QRICH2: variants seen among roughly 807,000 people sequenced by gnomAD.
QRICH2 encodes the protein glutamine rich 2, also known as glutamine-rich protein 2.
A neutral mutation model predicts 168.3 loss-of-function variants in QRICH2; 119 were observed. The ratio of observed to expected loss-of-function variants is 0.71; its 90% CI spans 0.61 to 0.82. The LOEUF (loss-of-function observed/expected upper bound fraction) is 0.82, where lower values mean the gene tolerates loss of function less well. Among genes scored for constraint, QRICH2 ranks in the 40% least tolerant of loss-of-function variants. The probability of loss-of-function intolerance (pLI) is 0.00; values close to 1 mark genes in which losing one functional copy is unlikely to be tolerated. For missense variants in QRICH2, 2,241 were observed against 2,491.6 expected (o/e 0.90, Z 2.14); for synonymous variants, 894 against 951.2 (o/e 0.94, Z 1.11).
chr17:76,275,195 G>C (rs141266018), intron 18 of QRICH2, among the ~76,000 whole-genome samples: 11 of 152,158 alleles, frequency 7.2e-5, no homozygotes, highest in Non-Finnish European at 8.8e-5. Flanking sequence ...TAGATTCTTG[G>C]GGGGGGCCTG....
rs903810414 is a variant in QRICH2 at position 76,281,800 on chromosome 17, A to C, written c.4263+64T>G. On this transcript the variant is annotated intron_variant, in intron 8 of 18. Coordinates refer to ENST00000680821, the MANE Select transcript of QRICH2 (RefSeq NM_001388453.1). The surrounding 1 kb of genome is among the most constrained non-coding windows in gnomAD (Gnocchi z 4.4). ...CGCCCCACTTCTGTGGGTCTGCAGC[A>C]GGGTGGCCCTCCTCTGTGGGGCCAT... is the stretch of plus-strand genomic sequence containing the variant. The C allele has an allele frequency of 1.9e-6, 3 of 1,579,710 alleles. No individual in the cohort carries two copies. The highest frequency in any genetic ancestry group is 2.6e-6 in the Non-Finnish European group (3 of 1,156,400).
At chr17:76,277,415 T>C in intron 15 of QRICH2, 105 bp from the exon 16 acceptor site, 5 of 1,361,736 alleles carry the variant, frequency 3.7e-6, no homozygotes, top group Admixed American at 2.5e-5. Flanking sequence ...ACAGCTTCTC[T>C]TCGGGGGCTG....
At chr17:76,301,919 A>T (rs761242809) in intron 3 of QRICH2, among the ~76,000 whole-genome samples, 41 of 140,062 alleles carry the variant, frequency 2.9e-4, no homozygotes, top group Non-Finnish European at 4.8e-4. Context: ...TGTGTGTGTG[A>T]GACAGAGTCT....
intron 3 of QRICH2, among the ~76,000 whole-genome samples, chr17:76,302,586 A>C (rs539451329): frequency 1.3e-5 from 2 of 152,174 alleles, no homozygotes; most frequent in Non-Finnish European, 2.9e-5. Flanking sequence ...GCTGAAGCTG[A>C]TATGGCCAGA....
Position 76,292,453 on chromosome 17 carries a change from C to T in QRICH2, c.2274G>A (p.Gln758=), listed in dbSNP as rs373664987. The change falls in exon 4 of 19, where the codon CAG becomes CAA. Residue 758 remains glutamine, a synonymous_variant. Transcript: ENST00000680821. ...CTGCACCAGGTTGGACCAAACCACG[C>T]TGATCTGCACCAGGTGGGACCAAAC... is the stretch of plus-strand genomic sequence containing the variant. The part of the protein sequence containing the change: ...QRGLVPPGAD[Q]RGLVQPGADQ... 11 of 1,566,202 alleles carry T rather than the reference C, an allele frequency of 7.0e-6. No individual in the cohort carries two copies. The African/African-American group carries it at 1.1e-4, about 16-fold the overall frequency.
At position 76,279,145 on chromosome 17, in the gene QRICH2, G is replaced by T. The variant is rs201984260; in HGVS notation, c.4815-3C>A. ...CCGCGGGGGTCACGGGGATGGCACT[G>T]GGCAGGGACAGAGGGAGAAGGGGCG... On this transcript the variant is annotated splice_region_variant and splice_polypyrimidine_tract_variant and intron_variant, in intron 13 of 18. Transcript: ENST00000680821. 1.4e-4 allele frequency: 219 copies of T among 1,609,588 alleles called. No individual in the cohort carries two copies. Among genetic ancestry groups the T allele is most frequent in the Non-Finnish European group, 1.8e-4 (213 of 1,177,388 alleles).
At chr17:76,290,784 C>G (rs1054997347) in intron 4 of QRICH2, among the ~76,000 whole-genome samples, 2 of 152,114 alleles carry the variant, frequency 1.3e-5, no homozygotes, top group African/African-American at 4.8e-5. Context: ...TGCAGAGAGC[C>G]TGACAAAGCC....
chr17:76,280,250 C>T lies in QRICH2; in HGVS notation c.4626+37G>A, dbSNP rs2070762495. ...TGCTGTCCCGATCCTGGGGGCAAGG[C>T]TGTGGGATGGAGAGCCCCGCCATGC... On this transcript the variant is annotated intron_variant, in intron 11 of 18. Coordinates refer to ENST00000680821, the MANE Select transcript of QRICH2 (RefSeq NM_001388453.1). This position sits in a 1 kb window ranked among gnomAD's most constrained non-coding sequence, Gnocchi z 7.4. 1.2e-6 allele frequency: 2 copies of T among 1,611,666 alleles called. No homozygotes were observed. The highest frequency in any genetic ancestry group is 2.2e-5 in the East Asian group (1 of 44,860).
rs750507403 is a variant in QRICH2, at chr17:76,280,098, C to T, written c.4683G>A (p.Ser1561=). Residue 1561 remains serine (S), a synonymous_variant, in exon 12 of 19, where the codon TCG becomes TCA. Coordinates refer to ENST00000680821, the MANE Select transcript of QRICH2 (RefSeq NM_001388453.1). The surrounding 1 kb of genome is among the most constrained non-coding windows in gnomAD (Gnocchi z 7.4). The part of the protein sequence containing the change: ...VKQLLEDRWK[S]LRQQLRERPP... ...GGCGCTCCCTGAGCTGCTGTCGCAGCGATTTCCACCGATCCTCCAGCAACT... is the reference window on the plus strand; with the variant it reads ...GGCGCTCCCTGAGCTGCTGTCGCAGTGATTTCCACCGATCCTCCAGCAACT... The T allele has an allele frequency of 2.5e-5, 41 of 1,613,654 alleles. No homozygotes were observed. In the East Asian group the frequency reaches 7.4e-4, roughly 29 times the overall value.
In QRICH2 at chr17:76,276,675, C is replaced by G. The variant is rs2070685269; in HGVS notation, c.5353+5G>C. ...GGTGCCTGGGGGCCTCTGGACTCCA[C>G]TCACTGTCTTTTCGGAGGATGCCTG... On this transcript the variant is annotated splice_donor_5th_base_variant and intron_variant, in intron 17 of 18. Coordinates refer to ENST00000680821, the MANE Select transcript of QRICH2 (RefSeq NM_001388453.1). 1.9e-6 allele frequency: 3 copies of G among 1,610,140 alleles called. No homozygotes were observed. The East Asian group carries it at 6.7e-5, about 36-fold the overall frequency.
At position 76,287,228 on chromosome 17, in the gene QRICH2, A is replaced by G; in HGVS notation, c.3975T>C (p.Asn1325=). The G allele has an allele frequency of 6.2e-7, 1 of 1,613,748 alleles. No individual in the cohort carries two copies. The highest frequency in any genetic ancestry group is 8.5e-7 in the Non-Finnish European group (1 of 1,179,916). ...SQDRGKAAME[N]SVSEASLYLQ... ...GGTAAAGGGAGGCTTCAGAGACAGAATTTTCCATGGCAGCCTTGCCCCTGT... is the reference window on the plus strand; with the variant it reads ...GGTAAAGGGAGGCTTCAGAGACAGAGTTTTCCATGGCAGCCTTGCCCCTGT... The change falls in exon 7 of 19, where the codon AAT becomes AAC. Residue 1325 remains asparagine, a synonymous_variant. Coordinates refer to ENST00000680821, the MANE Select transcript of QRICH2 (RefSeq NM_001388453.1).
Position 76,293,696 on chromosome 17 carries a change from C to T in QRICH2, c.1031G>A (p.Ser344Asn), listed in dbSNP as rs1598495638. 1 of 1,614,168 alleles carries T rather than the reference C, an allele frequency of 6.2e-7. No homozygotes were observed. Among genetic ancestry groups the T allele is most frequent in the Non-Finnish European group, 8.5e-7 (1 of 1,180,036 alleles). The change falls in exon 4 of 19, where the codon AGT becomes AAT. Residue 344 changes from serine (S) to asparagine (N), a missense_variant. Ser to Asn is a conservative substitution (Grantham distance 46). This residue lies in a region of QRICH2 where 2,047 missense variants were observed against 2,303.8 expected (regional missense o/e 0.89). Coordinates refer to ENST00000680821, the MANE Select transcript of QRICH2 (RefSeq NM_001388453.1). ...QFKSDSDRHR[S>N]REKLTSTQPR... ...TTGTGTCGAGGTAAGCTTCTCTCTACTCCTGTGACGATCTGAGTCTGATTT... is the reference window on the plus strand; with the variant it reads ...TTGTGTCGAGGTAAGCTTCTCTCTATTCCTGTGACGATCTGAGTCTGATTT...
At chr17:76,308,304 A>T (rs1236449199), upstream of QRICH2, 9 of 985,258 alleles carry the variant, frequency 9.1e-6, no homozygotes, top group Non-Finnish European at 9.6e-6. Context: ...GCGTGCCCTG[A>T]AGATTCCACG....
At chr17:76,276,550 T>G in intron 17 of QRICH2, 130 bp downstream of exon 17, 3 of 649,852 alleles carry the variant, frequency 4.6e-6, no homozygotes, top group Non-Finnish European at 8.1e-6. Flanking sequence ...GACCTGCACA[T>G]TTGGAGTGAG....
rs776451519 is a variant in QRICH2, at chr17:76,287,764, C to G, written c.3896+36G>C. The G allele has an allele frequency of 4.0e-6, 6 of 1,513,530 alleles. No individual in the cohort carries two copies. The South Asian group carries it at 4.5e-5, about 11-fold the overall frequency. 93.8% of individuals were successfully genotyped at this position (1,513,530 alleles called of 1,614,324 possible). On this transcript the variant is annotated intron_variant, in intron 6 of 18. Transcript: ENST00000680821. ...CCTCCTTGGCTGAGAATTCGTGATG[C>G]CAGGGGACCAGCTGCTCTTAGCTGG...
In QRICH2 at chr17:76,281,099, T is replaced by A; in HGVS notation, c.4264-146A>T. 1 of 1,148,426 alleles carries A rather than the reference T, an allele frequency of 8.7e-7. No homozygotes were observed. The highest frequency in any genetic ancestry group is 1.2e-6 in the Non-Finnish European group (1 of 831,514). The allele number at this position is 1,148,426 out of a possible 1,614,324, so 71.1% of individuals were successfully genotyped here. On this transcript the variant is annotated intron_variant, in intron 8 of 18. Transcript: ENST00000680821. The surrounding 1 kb of genome is among the most constrained non-coding windows in gnomAD (Gnocchi z 4.4). ...GGCTCATGCCTGTAGTCCTGGCACT[T>A]TGGGAAGCTGAGGTGAGGCGAGAGG...
intron 17 of QRICH2, 123 bp downstream of exon 17, chr17:76,276,557 T>C: frequency 1.5e-6 from 1 of 662,150 alleles, no homozygotes; most frequent in Non-Finnish European, 2.6e-6. Context: ...ACATTTGGAG[T>C]GAGGGGAATG....
Position 76,277,530 on chromosome 17 carries a change from A to C in QRICH2, c.5118-220T>G, listed in dbSNP as rs112895661. ...TGCACATGGGCAGGCGTGCACACAC[A>C]CACCCACACACTCACACATGTACTC... On this transcript the variant is annotated intron_variant, in intron 15 of 18. Coordinates refer to ENST00000680821, the MANE Select transcript of QRICH2 (RefSeq NM_001388453.1). 2.0e-5 allele frequency among the ~76,000 whole-genome samples: 3 copies of C among 152,190 alleles called. 1 individual carries two copies. The highest frequency in any genetic ancestry group is 7.2e-5 in the African/African-American group (3 of 41,520).
rs775355707 is a variant in QRICH2 at position 76,304,927 on chromosome 17, C to T, written c.549G>A (p.Arg183=). 2 of 1,613,422 alleles carry T rather than the reference C, an allele frequency of 1.2e-6. No individual in the cohort carries two copies. The highest frequency in any genetic ancestry group is 3.3e-5 in the Admixed American group (2 of 59,984). The change falls in exon 2 of 19, where the codon CGG becomes CGA. Residue 183 remains arginine (R), a synonymous_variant. Coordinates refer to ENST00000680821, the MANE Select transcript of QRICH2 (RefSeq NM_001388453.1). The part of the protein sequence containing the change: ...ELSFARVLLQ[R]VDELEKLFKD... ...TGAATAGCTTCTCTAGTTCATCAAC[C>T]CGCTGTAAAAGTACCTGGAAGAAGA...
Sources: allele counts gnomAD v4.1 joint callset (sites outside exome capture counted in the v4.1 genomes callset), GRCh38; gene constraint gnomAD v4.1.1; regional missense constraint gnomAD v4.1.1; non-coding constraint Gnocchi (gnomAD v3.1); transcripts MANE v1.5; gene names NCBI Gene and HGNC (gene_info 2026-07-23, HGNC 2026-07-21).